The following FHAD1 variants were observed in gnomAD, a reference collection of about 807,000 sequenced individuals.
The protein encoded by FHAD1 is forkhead-associated domain-containing protein 1.
FHAD1 carries 146 observed loss-of-function variants against 191.3 expected under a neutral mutation model. The ratio of observed to expected loss-of-function variants is 0.76; its 90% confidence interval spans 0.67 to 0.88. The LOEUF (loss-of-function observed/expected upper bound fraction) is 0.88. Ranked by LOEUF, FHAD1 falls within the 40% of genes least tolerant of loss-of-function variation. The pLI is 0.00. For missense variants in FHAD1, 1,635 were observed against 1,785.8 expected (o/e 0.92, Z 1.52); for synonymous variants, 616 against 672.3 (o/e 0.92, Z 1.29).
Position 15,312,765 on chromosome 1 carries a change from CT to C in FHAD1, c.1040-291del, listed in dbSNP as rs1202237700. Among the ~76,000 whole-genome samples the C allele has an allele frequency of 1.3e-5, 2 of 152,212 alleles. No homozygotes were observed. Among genetic ancestry groups the C allele is most frequent in the African/African-American group, 4.8e-5 (2 of 41,452 alleles). On this transcript the variant is annotated intron_variant, in intron 7 of 33. Coordinates refer to ENST00000688493, the MANE Select transcript of FHAD1 (RefSeq NM_001391957.1). The surrounding 1 kb of genome is among the most constrained non-coding windows in gnomAD (Gnocchi z 4.7). Reference sequence around the variant, plus strand: ...CTGCCACAGGCCCATGTCGTGGCCCCTCCTGGTCCCTCTCTCTGCTGAGCCT... The same window carrying C: ...CTGCCACAGGCCCATGTCGTGGCCCCCCTGGTCCCTCTCTCTGCTGAGCCT...
chr1:15,344,236 C>T (rs1368465316), intron 16 of FHAD1, among the ~76,000 whole-genome samples: 2 of 152,214 alleles, frequency 1.3e-5, no homozygotes, highest in South Asian at 2.1e-4. Flanking sequence ...TTCCTTAGAC[C>T]TTCTGACTCC....
chr1:15,380,468 A>G (rs773134552), intron 28 of FHAD1, among the ~76,000 whole-genome samples: 37 of 152,220 alleles, frequency 2.4e-4, no homozygotes, highest in Non-Finnish European at 8.8e-5. Context: ...ATCAAAGAAC[A>G]AGACAAGTGA....
intron 4 of FHAD1, among the ~76,000 whole-genome samples, chr1:15,295,451 A>C (rs1028941821): frequency 6.6e-6 from 1 of 152,142 alleles, no homozygotes; most frequent in African/African-American, 2.4e-5. Flanking sequence ...TCTACAAAAA[A>C]TTAAAAATTA....
chr1:15,251,734 A>G (rs1187157196), intron 1 of FHAD1, 37 bp from the exon 2 acceptor site: 6 of 1,476,180 alleles, frequency 4.1e-6, no homozygotes, highest in Admixed American at 2.2e-5. Flanking sequence ...AGAGAACTAC[A>G]TTTTCTAACA....
chr1:15,293,490 A>T (rs113429474), intron 4 of FHAD1, among the ~76,000 whole-genome samples: 81 of 152,214 alleles, frequency 5.3e-4, no homozygotes, highest in African/African-American at 1.8e-3. Context: ...GAGGCCAAGG[A>T]GGGCGAATCA....
rs71572146 is a variant in FHAD1 at position 15,264,548 on chromosome 1, A to ATGTGTGTGTGTG, written c.94-7756_94-7745dup. 2.0e-5 allele frequency among the ~76,000 whole-genome samples: 3 copies of ATGTGTGTGTGTG among 147,360 alleles called. No homozygotes were observed. The East Asian group carries it at 5.9e-4, about 29-fold the overall frequency. Reference sequence around the variant, plus strand: ...TATGAATTCAGTGTTATATGTATATATGTGTGTGTGTGTGTGTGTGTGTGT... The same window carrying ATGTGTGTGTGTG: ...TATGAATTCAGTGTTATATGTATATATGTGTGTGTGTGTGTGTGTGTGTGTGTGTGTGTGTGT... On this transcript the variant is annotated intron_variant, in intron 2 of 33. Coordinates refer to ENST00000688493, the MANE Select transcript of FHAD1 (RefSeq NM_001391957.1).
chr1:15,376,288 C>T (rs893931124), intron 28 of FHAD1, among the ~76,000 whole-genome samples: 1 of 151,970 alleles, frequency 6.6e-6, no homozygotes, highest in Non-Finnish European at 1.5e-5. Context: ...GACAGGGTTT[C>T]ACCTTGTTAG....
At chr1:15,400,731 C>A (rs748130020), downstream of FHAD1, among the ~76,000 whole-genome samples, 12 of 152,238 alleles carry the variant, frequency 7.9e-5, no homozygotes, top group Non-Finnish European at 1.6e-4. Context: ...AGGCCTTCCA[C>A]TGCCACGCTT....
At chr1:15,358,916 C>G (rs561950720) in intron 21 of FHAD1, among the ~76,000 whole-genome samples, 2 of 152,002 alleles carry the variant, frequency 1.3e-5, no homozygotes, top group African/African-American at 4.8e-5. Flanking sequence ...GTGGTGTAGA[C>G]CAGAATCATA....
At chr1:15,318,000 C>T (rs1675030427) in intron 10 of FHAD1, 72 bp downstream of exon 10, 1 of 946,426 alleles carries the variant, frequency 1.1e-6, no homozygotes, top group South Asian at 1.5e-5. Context: ...TGTTAGTCCT[C>T]TAAGTGGACT....
intron 33 of FHAD1, among the ~76,000 whole-genome samples, chr1:15,393,926 A>G (rs1705075478): frequency 6.6e-6 from 1 of 152,062 alleles, no homozygotes; most frequent in African/African-American, 2.4e-5. Context: ...AGGACCGTAT[A>G]TTTAAACTTA....
chr1:15,263,338 T>G (rs1445211843), intron 2 of FHAD1, among the ~76,000 whole-genome samples: 2 of 152,108 alleles, frequency 1.3e-5, no homozygotes, highest in Admixed American at 1.3e-4. Context: ...TTACTTTTGT[T>G]GCCTGTGTTC....
chr1:15,346,062 C>T (rs1004165693), intron 18 of FHAD1, among the ~76,000 whole-genome samples: 2 of 152,176 alleles, frequency 1.3e-5, no homozygotes, highest in African/African-American at 4.8e-5. Flanking sequence ...CCACAAGATA[C>T]ATCTACTTCC....
chr1:15,391,106 C>T (rs1387693330), intron 32 of FHAD1, 104 bp from the exon 33 acceptor site: 3 of 477,002 alleles, frequency 6.3e-6, no homozygotes, highest in Non-Finnish European at 9.9e-6. Flanking sequence ...CCCAGCGTTC[C>T]AAATGGTTAG....
At chr1:15,267,793 A>G (rs185935483) in intron 2 of FHAD1, among the ~76,000 whole-genome samples, 6 of 147,342 alleles carry the variant, frequency 4.1e-5, no homozygotes, top group African/African-American at 1.5e-4. Context: ...AAATAATAAT[A>G]TAAATGATAT....
intron 2 of FHAD1, among the ~76,000 whole-genome samples, chr1:15,267,036 G>A (rs563327923): frequency 3.3e-5 from 5 of 152,082 alleles, no homozygotes; most frequent in Admixed American, 2.0e-4. Flanking sequence ...CTATAAACAT[G>A]CATCCAAAAT....
intron 14 of FHAD1, among the ~76,000 whole-genome samples, chr1:15,330,769 G>A (rs961510329): frequency 6.6e-6 from 1 of 152,210 alleles, no homozygotes; most frequent in Non-Finnish European, 1.5e-5. Context: ...GGCCATGCAT[G>A]TGGGGTCTCG....
chr1:15,259,423 G>A (rs1029288227), intron 2 of FHAD1, among the ~76,000 whole-genome samples: 1 of 152,112 alleles, frequency 6.6e-6, no homozygotes, highest in Non-Finnish European at 1.5e-5. Flanking sequence ...AGTCGGGGAC[G>A]GTGGGGCTGA....
chr1:15,256,594 C>T (rs1648179502), intron 2 of FHAD1, among the ~76,000 whole-genome samples: 1 of 133,784 alleles, frequency 7.5e-6, no homozygotes, highest in South Asian at 2.3e-4. Flanking sequence ...TTGCAGTGAG[C>T]TGAGATTGTG....
Sources: gnomAD v4.1 joint callset for allele counts (sites outside exome capture counted in the v4.1 genomes callset) on GRCh38, gnomAD v4.1.1 for gene constraint, Gnocchi (gnomAD v3.1) non-coding constraint, MANE v1.5 for transcripts, NCBI Gene and HGNC (gene_info 2026-07-23, HGNC 2026-07-21) for gene names.